Variants in TC2N observed in about 807,000 individuals in gnomAD.
TC2N encodes tandem C2 domains, nuclear.
Under a neutral mutation model 61.9 loss-of-function variants are expected in TC2N, and 51 were observed. The observed-to-expected ratio is 0.82, with a 90% confidence interval of 0.66 to 1.04. The LOEUF (loss-of-function observed/expected upper bound fraction) is 1.04, where lower values mean the gene tolerates loss of function less well. Among genes scored for constraint, TC2N ranks in the 50% least tolerant of loss-of-function variants. The probability of loss-of-function intolerance (pLI) is 0.00; values close to 1 mark genes in which losing one functional copy is unlikely to be tolerated. For synonymous variants in TC2N, 204 were observed against 192.6 expected (o/e 1.06, Z -0.49); for missense variants, 556 against 566.7 (o/e 0.98, Z 0.19).
intron 1 of TC2N, among the ~76,000 whole-genome samples, chr14:91,863,345 T>C (rs1380842258): frequency 6.6e-6 from 1 of 152,170 alleles, no homozygotes; most frequent in Non-Finnish European, 1.5e-5. Context: ...AGGGGATTGA[T>C]TAGCAAGACA....
chr14:91,785,485 C>T (rs940901688), intron 10 of TC2N, 124 bp from the exon 11 acceptor site: 7 of 683,052 alleles, frequency 1.0e-5, no homozygotes, highest in African/African-American at 7.3e-5. Context: ...AGATAAGTCA[C>T]TTTTAAATGT....
chr14:91,802,377 T>C lies in TC2N; in HGVS notation c.346A>G (p.Ser116Gly), dbSNP rs1233252497. 6.2e-7 allele frequency: 1 copy of C among 1,612,728 alleles called. No homozygotes were observed. The highest frequency in any genetic ancestry group is 2.2e-5 in the East Asian group (1 of 44,812). ...TAGCTAGGTCCGTGCTGGGATGAAC[T>C]GGAAAGTTCTACCTTTCGATCTCCA... is the stretch of plus-strand genomic sequence containing the variant. The part of the protein sequence containing the change: ...SFGDRKVELS[S>G]SSQHGPSYDV... The change falls in exon 4 of 12, where the codon AGT (serine) becomes GGT (glycine). Residue 116 changes from serine to glycine, a missense_variant. Ser to Gly is a moderately conservative substitution (Grantham distance 56, BLOSUM62 0). Coordinates refer to ENST00000435962, the MANE Select transcript of TC2N (RefSeq NM_001128596.3).
intron 1 of TC2N, among the ~76,000 whole-genome samples, chr14:91,822,716 T>C (rs76307495): frequency 6.9e-6 from 1 of 144,470 alleles, no homozygotes; most frequent in African/African-American, 2.5e-5. Context: ...CTCATTATCT[T>C]TTTTTTTTTT....
Position 91,782,960 on chromosome 14 carries a change from T to A in TC2N, c.*140A>T. 1 of 504,228 alleles carries A rather than the reference T, an allele frequency of 2.0e-6. No homozygotes were observed. The highest frequency in any genetic ancestry group is 3.5e-6 in the Non-Finnish European group (1 of 285,228). The allele number at this position is 504,228 out of a possible 1,614,324, so 31.2% of individuals were successfully genotyped here. A position where few individuals can be genotyped will look rare whatever the true frequency, so the allele number is the denominator to read the frequency against. ...TTACATTTTCTTATCAAATTTTCTATCAGATACATTATATACCATAATTAT... is the reference window on the plus strand; with the variant it reads ...TTACATTTTCTTATCAAATTTTCTAACAGATACATTATATACCATAATTAT... On this transcript the variant is annotated 3_prime_UTR_variant, in exon 12 of 12. Coordinates refer to ENST00000435962, the MANE Select transcript of TC2N (RefSeq NM_001128596.3).
At chr14:91,833,823 T>C (rs781738290) in intron 1 of TC2N, among the ~76,000 whole-genome samples, 22 of 152,208 alleles carry the variant, frequency 1.4e-4, no homozygotes, top group Non-Finnish European at 2.9e-4. Flanking sequence ...TTGCTCCACA[T>C]CCTCATCAAC....
chr14:91,839,617 A>C (rs1888127120), intron 1 of TC2N, among the ~76,000 whole-genome samples: 1 of 152,250 alleles, frequency 6.6e-6, no homozygotes, highest in Non-Finnish European at 1.5e-5. Flanking sequence ...GCTTTCAAAG[A>C]GTATAAATTC....
At chr14:91,790,170 C>T (rs1885576731) in intron 9 of TC2N, among the ~76,000 whole-genome samples, 1 of 152,182 alleles carries the variant, frequency 6.6e-6, no homozygotes, top group South Asian at 2.1e-4. Flanking sequence ...TCTGTAAATG[C>T]TAGCTATTTC....
At chr14:91,791,222 G>A (rs900679900) in intron 9 of TC2N, among the ~76,000 whole-genome samples, 12 of 129,888 alleles carry the variant, frequency 9.2e-5, no homozygotes, top group Non-Finnish European at 1.2e-4. Context: ...GGAGGGGAGG[G>A]AAGGGAAGGG....
Position 91,812,425 on chromosome 14 carries a change from A to G in TC2N, c.188T>C (p.Leu63Pro), listed in dbSNP as rs753573289. 9 of 1,612,570 alleles carry G rather than the reference A, an allele frequency of 5.6e-6. No homozygotes were observed. The South Asian group carries it at 8.8e-5, about 16-fold the overall frequency. ...PQLGCTEDYL[L>P]SKLPSDGKEV... Reference sequence around the variant, plus strand: ...TTTGCCATCAGATGGTAATTTGGAAAGCAAATAATCCTCAGTACAGCCAAG... The same window carrying G: ...TTTGCCATCAGATGGTAATTTGGAAGGCAAATAATCCTCAGTACAGCCAAG... Residue 63 changes from leucine to proline, a missense_variant, in exon 3 of 12, where the codon CTT becomes CCT. Coordinates refer to ENST00000435962, the MANE Select transcript of TC2N (RefSeq NM_001128596.3).
chr14:91,826,559 A>G (rs933728032), intron 1 of TC2N, among the ~76,000 whole-genome samples: 2 of 152,164 alleles, frequency 1.3e-5, no homozygotes, highest in Middle Eastern at 3.4e-3. Context: ...AGAAGCCTTA[A>G]TGTTGGCTTG....
intron 1 of TC2N, among the ~76,000 whole-genome samples, chr14:91,828,156 CCT>C (rs1233407558): frequency 6.6e-6 from 1 of 151,922 alleles, no homozygotes; most frequent in Non-Finnish European, 1.5e-5. Flanking sequence ...GGTAGAAAAC[CCT>C]CTGTTGTTGC....
chr14:91,801,793 T>C (rs1157744151), intron 4 of TC2N, among the ~76,000 whole-genome samples: 1 of 152,244 alleles, frequency 6.6e-6, no homozygotes, highest in Non-Finnish European at 1.5e-5. Flanking sequence ...TATATGTATT[T>C]ATCATGAACA....
chr14:91,795,262 A>G (rs964266785), intron 8 of TC2N, among the ~76,000 whole-genome samples: 2 of 152,200 alleles, frequency 1.3e-5, no homozygotes, highest in African/African-American at 4.8e-5. Flanking sequence ...CAGAGGATTC[A>G]GAATATTACA....
At chr14:91,803,559 T>C (rs1327815742) in intron 3 of TC2N, among the ~76,000 whole-genome samples, 1 of 152,056 alleles carries the variant, frequency 6.6e-6, no homozygotes, top group Admixed American at 6.5e-5. Flanking sequence ...TTCAAGCTAT[T>C]CTCCTGCCTC....
At chr14:91,801,558 C>A (rs1375502326) in intron 4 of TC2N, among the ~76,000 whole-genome samples, 1 of 152,088 alleles carries the variant, frequency 6.6e-6, no homozygotes, top group Admixed American at 6.5e-5. Flanking sequence ...TGCGGTGGGG[C>A]AGGGGTGATG....
At chr14:91,850,003 C>T (rs1220387072) in intron 1 of TC2N, among the ~76,000 whole-genome samples, 1 of 148,784 alleles carries the variant, frequency 6.7e-6, no homozygotes, top group Non-Finnish European at 1.5e-5. Context: ...GAGCCCAAAT[C>T]ACACCATTGC....
intron 1 of TC2N, among the ~76,000 whole-genome samples, chr14:91,846,232 T>C (rs1159445831): frequency 1.3e-5 from 2 of 152,216 alleles, no homozygotes; most frequent in Non-Finnish European, 1.5e-5. Context: ...TTTTCTAGAT[T>C]CTTACAGTAA....
At chr14:91,834,569 C>T (rs1382061342) in intron 1 of TC2N, among the ~76,000 whole-genome samples, 1 of 152,040 alleles carries the variant, frequency 6.6e-6, no homozygotes, top group Admixed American at 6.6e-5. Context: ...CTTGTGAGTG[C>T]AGAATCACTA....
intron 1 of TC2N, among the ~76,000 whole-genome samples, chr14:91,827,000 A>C (rs1333460687): frequency 6.6e-6 from 1 of 152,162 alleles, no homozygotes; most frequent in African/African-American, 2.4e-5. Flanking sequence ...CATTTAGTTA[A>C]AGTGTTTTAG....
Sources: allele counts gnomAD v4.1 joint callset (sites outside exome capture counted in the v4.1 genomes callset), GRCh38; gene constraint gnomAD v4.1.1; transcripts MANE v1.5; gene names NCBI Gene and HGNC (gene_info 2026-07-23, HGNC 2026-07-21).